RALGPS1: variants seen among roughly 807,000 people sequenced by gnomAD.
RALGPS1 encodes the protein Ral GEF with PH domain and SH3 binding motif 1.
A neutral mutation model predicts 78.8 loss-of-function variants in RALGPS1; 19 were observed. That is an observed-to-expected ratio of 0.24 (90% confidence interval 0.17 to 0.35). The LOEUF is 0.35. RALGPS1 is among the 10% of genes least tolerant of loss of function. The pLI is 1.00. For missense variants in RALGPS1, 454 were observed against 688.3 expected, an observed-to-expected ratio of 0.66 and a Z score of 3.81; for synonymous variants, 228 against 256.3, an observed-to-expected ratio of 0.89 and a Z score of 1.06.
intron 8 of RALGPS1, among the ~76,000 whole-genome samples, chr9:127,101,084 T>C (rs2053675761): frequency 6.6e-6 from 1 of 152,200 alleles, no homozygotes; most frequent in Non-Finnish European, 1.5e-5. Context: ...CATCACCTCC[T>C]TCAGGAAGCT....
chr9:127,045,410 A>G (rs968508002), intron 5 of RALGPS1, among the ~76,000 whole-genome samples: 1 of 152,234 alleles, frequency 6.6e-6, no homozygotes, highest in South Asian at 2.1e-4. Context: ...TATAAACACC[A>G]TACTCCATTT....
At chr9:127,164,822 G>A (rs1049297421) in intron 8 of RALGPS1, among the ~76,000 whole-genome samples, 2 of 152,106 alleles carry the variant, frequency 1.3e-5, no homozygotes, top group Non-Finnish European at 2.9e-5. Flanking sequence ...TTACAGGCGC[G>A]AGCCACTATG....
intron 8 of RALGPS1, among the ~76,000 whole-genome samples, chr9:127,144,781 A>G (rs188483361): frequency 3.3e-5 from 5 of 152,370 alleles, no homozygotes; most frequent in Admixed American, 6.5e-5. Flanking sequence ...TTTATATGAA[A>G]TGTCCAGAAT....
intron 11 of RALGPS1, among the ~76,000 whole-genome samples, chr9:127,193,117 A>G (rs988174108): frequency 1.3e-5 from 2 of 152,090 alleles, no homozygotes; most frequent in Admixed American, 6.5e-5. Context: ...AAGGAGCCAG[A>G]GAGAGAAGGG....
intron 6 of RALGPS1, among the ~76,000 whole-genome samples, chr9:127,052,497 G>C (rs2048376184): frequency 1.3e-5 from 2 of 152,294 alleles, no homozygotes; most frequent in South Asian, 4.1e-4. Context: ...AATCATAGAA[G>C]ACCCACATTG....
At chr9:127,108,027 G>A in intron 8 of RALGPS1, 1 of 1,601,218 alleles carries the variant, frequency 6.2e-7, no homozygotes, top group Non-Finnish European at 8.5e-7. Flanking sequence ...TAGAGATCTG[G>A]TTGATGATGC....
chr9:126,920,325 T>C (rs1314043849), intron 1 of RALGPS1, among the ~76,000 whole-genome samples: 2 of 152,196 alleles, frequency 1.3e-5, no homozygotes, highest in Non-Finnish European at 2.9e-5. Flanking sequence ...GCATGTGCTG[T>C]GCTATATGCT....
At chr9:126,924,832 GA>G (rs1400222894) in intron 1 of RALGPS1, among the ~76,000 whole-genome samples, 1 of 152,312 alleles carries the variant, frequency 6.6e-6, no homozygotes, top group Non-Finnish European at 1.5e-5. Flanking sequence ...CCACAGTGGT[GA>G]AAAAAAGACA....
Position 127,183,789 on chromosome 9 carries a change from C to T in RALGPS1, c.910+9007C>T. Reference sequence around the variant, plus strand: ...TTTCGGAATGGATGGGTGGGAGGGGCCCTCCATGAGGACCTCAGGGATAGG... The same window carrying T: ...TTTCGGAATGGATGGGTGGGAGGGGTCCTCCATGAGGACCTCAGGGATAGG... On this transcript the variant is annotated intron_variant, in intron 11 of 18. Transcript: ENST00000259351. This position sits in a 1 kb window ranked among gnomAD's most constrained non-coding sequence, Gnocchi z 4.0. 3 of 1,273,084 alleles carry T rather than the reference C, an allele frequency of 2.4e-6. No individual in the cohort carries two copies. Among genetic ancestry groups the T allele is most frequent in the Non-Finnish European group, 3.2e-6 (3 of 930,678 alleles). The allele number at this position is 1,273,084 out of a possible 1,614,324, so 78.9% of individuals were successfully genotyped here. A position where few individuals can be genotyped will look rare whatever the true frequency, so the allele number is the denominator to read the frequency against.
chr9:127,183,362 C>G lies in RALGPS1; in HGVS notation c.910+8580C>G, dbSNP rs534143863. On this transcript the variant is annotated intron_variant, in intron 11 of 18. Coordinates refer to ENST00000259351, the MANE Select transcript of RALGPS1 (RefSeq NM_014636.3). The surrounding 1 kb of genome is among the most constrained non-coding windows in gnomAD (Gnocchi z 4.0). The stretch of plus-strand genomic sequence containing the variant: ...AAACCTATTTTGGGGACCCCTGCAG[C>G]CCCTTCCATGCCCCCCCGCAAAGTC... 1.3e-5 allele frequency among the ~76,000 whole-genome samples: 2 copies of G among 152,320 alleles called. No individual in the cohort carries two copies. Among genetic ancestry groups the G allele is most frequent in the Non-Finnish European group, 2.9e-5 (2 of 68,034 alleles).
chr9:126,979,179 A>T (rs762850194), intron 4 of RALGPS1, among the ~76,000 whole-genome samples: 5 of 152,104 alleles, frequency 3.3e-5, no homozygotes, highest in Non-Finnish European at 7.4e-5. Context: ...GGAAACTAGT[A>T]CCACTAGCTT....
At chr9:126,949,967 A>G (rs370278722) in intron 1 of RALGPS1, among the ~76,000 whole-genome samples, 5 of 152,272 alleles carry the variant, frequency 3.3e-5, no homozygotes, top group East Asian at 1.9e-4. Context: ...TAAGCCTTTA[A>G]TCCATCTTGA....
intron 1 of RALGPS1, among the ~76,000 whole-genome samples, chr9:126,935,204 C>G (rs1242062314): frequency 6.6e-6 from 1 of 152,212 alleles, no homozygotes; most frequent in Non-Finnish European, 1.5e-5. Flanking sequence ...CTCTGTACCT[C>G]CTACCTTATC....
chr9:127,182,408 C>CCCTT (rs1272921808), intron 11 of RALGPS1, among the ~76,000 whole-genome samples: 5 of 122,686 alleles, frequency 4.1e-5, no homozygotes, highest in African/African-American at 1.5e-4. Flanking sequence ...CTTCCTTCCT[C>CCCTT]CCTTCCTTCC....
At chr9:127,036,350 A>G (rs530005862) in intron 5 of RALGPS1, among the ~76,000 whole-genome samples, 1 of 152,304 alleles carries the variant, frequency 6.6e-6, no homozygotes, top group South Asian at 2.1e-4. Context: ...GCAGAATTTT[A>G]TGTGTGAGAA....
intron 8 of RALGPS1, among the ~76,000 whole-genome samples, chr9:127,113,169 G>A (rs1364289580): frequency 8.5e-5 from 13 of 152,148 alleles, no homozygotes; most frequent in Non-Finnish European, 1.6e-4. Context: ...CAGGTAATCC[G>A]GTGGGTTGTT....
chr9:127,095,358 A>G (rs1333157596), intron 8 of RALGPS1, among the ~76,000 whole-genome samples: 1 of 152,234 alleles, frequency 6.6e-6, no homozygotes, highest in Non-Finnish European at 1.5e-5. Context: ...AGATGGCCCC[A>G]CTGCACTCCA....
At chr9:126,937,551 G>A (rs931454838) in intron 1 of RALGPS1, among the ~76,000 whole-genome samples, 3 of 152,182 alleles carry the variant, frequency 2.0e-5, no homozygotes, top group Non-Finnish European at 2.9e-5. Flanking sequence ...TCTAGGGTTG[G>A]TATAGTGGGA....
At chr9:127,144,921 G>C (rs1201256186) in intron 8 of RALGPS1, among the ~76,000 whole-genome samples, 1 of 152,196 alleles carries the variant, frequency 6.6e-6, no homozygotes, top group Non-Finnish European at 1.5e-5. Flanking sequence ...ACAAAATAGT[G>C]ATGATAGTTA....
Sources: allele counts gnomAD v4.1 joint callset (sites outside exome capture counted in the v4.1 genomes callset), GRCh38; gene constraint gnomAD v4.1.1; non-coding constraint Gnocchi (gnomAD v3.1); transcripts MANE v1.5; gene names NCBI Gene and HGNC (gene_info 2026-07-23, HGNC 2026-07-21).